The following FYCO1 variants were observed in gnomAD, a reference collection of about 807,000 sequenced individuals.
FYCO1 encodes FYVE and coiled-coil domain autophagy adaptor 1.
In FYCO1, 122 loss-of-function variants were observed where a neutral mutation model predicts 165.1. The ratio of observed to expected loss-of-function variants is 0.74; its 90% CI spans 0.64 to 0.86. FYCO1 has a LOEUF of 0.86. Ranked by LOEUF, FYCO1 falls within the 40% of genes least tolerant of loss-of-function variation. The pLI is 0.00. For missense variants in FYCO1, 1,702 were observed against 1,810.3 expected, an observed-to-expected ratio of 0.94 and a Z score of 1.09; for synonymous variants, 648 against 742.5, an observed-to-expected ratio of 0.87 and a Z score of 2.07.
rs779186772 is a variant in FYCO1, at chr3:45,962,236, T to C, written c.3426A>G (p.Ile1142Met). 24 of 1,614,054 alleles carry C rather than the reference T, an allele frequency of 1.5e-5. No individual in the cohort carries two copies. The Admixed American group carries it at 2.0e-4, about 13-fold the overall frequency. The change falls in exon 11 of 18, where the codon ATA becomes ATG. Residue 1142 changes from isoleucine (I) to methionine (M), a missense_variant. Physicochemically the swap from Ile to Met is conservative, Grantham distance 10. Coordinates refer to ENST00000296137, the MANE Select transcript of FYCO1 (RefSeq NM_024513.4). The surrounding 1 kb of genome is among the most constrained non-coding windows in gnomAD (Gnocchi z 4.4). ...RTKKYLEERL[I>M]ELLRDKDALW... ...GACACAGCACTCACCTGAGCAGCTC[T>C]ATCAGCCGCTCCTCGAGATACTTCT...
At chr3:45,987,506 G>A (rs1267045514) in intron 1 of FYCO1, among the ~76,000 whole-genome samples, 2 of 152,194 alleles carry the variant, frequency 1.3e-5, no homozygotes, top group Non-Finnish European at 1.5e-5. Flanking sequence ...AAGTGAACAG[G>A]CAGTCACTGG....
chr3:45,934,453 T>C (rs1703784668), intron 15 of FYCO1, among the ~76,000 whole-genome samples: 1 of 152,238 alleles, frequency 6.6e-6, no homozygotes, highest in Non-Finnish European at 1.5e-5. Flanking sequence ...GGATTTCTCA[T>C]CTAAAACCAT....
At chr3:45,952,403 A>G (rs1235274129) in intron 14 of FYCO1, among the ~76,000 whole-genome samples, 4 of 152,168 alleles carry the variant, frequency 2.6e-5, no homozygotes, top group Non-Finnish European at 5.9e-5. Context: ...AAACTTAGGA[A>G]GAAAAAGTAT....
chr3:45,989,913 G>A lies in FYCO1; in HGVS notation c.-112-4891C>T, dbSNP rs546057825. 3.9e-5 allele frequency among the ~76,000 whole-genome samples: 6 copies of A among 152,268 alleles called. 1 individual carries two copies. In the East Asian group the frequency reaches 5.8e-4, roughly 15 times the overall value. On this transcript the variant is annotated intron_variant, in intron 1 of 17. Transcript: ENST00000296137. ...GAGGAGCCACACCTCTGTACTTGACGCTGTGGGGCTGAGAAAATATCCAAG... is the reference window on the plus strand; with the variant it reads ...GAGGAGCCACACCTCTGTACTTGACACTGTGGGGCTGAGAAAATATCCAAG...
In FYCO1 at chr3:45,964,216, T is replaced by C; in HGVS notation, c.3269+120A>G. ...CCAGCAGAAGCACTTTCTGAGTTTG[T>C]GGCTTTTCTTGCAAAAGGACTTCCT... On this transcript the variant is annotated intron_variant, in intron 10 of 17. Coordinates refer to ENST00000296137, the MANE Select transcript of FYCO1 (RefSeq NM_024513.4). This position sits in a 1 kb window ranked among gnomAD's most constrained non-coding sequence, Gnocchi z 4.1. The C allele has an allele frequency of 4.7e-6, 4 of 852,042 alleles. No individual in the cohort carries two copies. Among genetic ancestry groups the C allele is most frequent in the Non-Finnish European group, 6.0e-6 (3 of 496,054 alleles). The allele number at this position is 852,042 out of a possible 1,614,324, so 52.8% of individuals were successfully genotyped here. A position where few individuals can be genotyped will look rare whatever the true frequency, so the allele number is the denominator to read the frequency against.
rs543863246 is a variant in FYCO1, at chr3:45,993,341, T to C, written c.-113+2381A>G. Among the ~76,000 whole-genome samples, 163 of 152,310 alleles carry C rather than the reference T, an allele frequency of 1.1e-3. 5 individuals carry two copies. In the South Asian group the frequency reaches 0.032, roughly 30 times the overall value. On this transcript the variant is annotated intron_variant, in intron 1 of 17. Coordinates refer to ENST00000296137, the MANE Select transcript of FYCO1 (RefSeq NM_024513.4). This position sits in a 1 kb window ranked among gnomAD's most constrained non-coding sequence, Gnocchi z 4.4. ...TGCCATCATCCTCTTCTCAAAGCCA[T>C]GGGGCCCATTTGCTCCAAGGCAATG... is the stretch of plus-strand genomic sequence containing the variant.
intron 4 of FYCO1, among the ~76,000 whole-genome samples, chr3:45,976,043 A>G (rs1232865223): frequency 2.0e-5 from 3 of 152,184 alleles, no homozygotes; most frequent in Admixed American, 1.3e-4. Context: ...CACTACATTG[A>G]ATCAGAAGGA....
rs1702983571 is a variant in FYCO1 at position 45,918,366 on chromosome 3, T to G, written c.*3399A>C. The G allele has an allele frequency of 6.6e-6, 1 of 152,178 alleles. No homozygotes were observed. The allele number at this position is 152,178 out of a possible 1,614,324, so 9.4% of individuals were successfully genotyped here. ...TCCTGTTTCCTTGGAAGAAACATAATGAAATGAGAAGAACTTACTAAAGTT... is the reference window on the plus strand; with the variant it reads ...TCCTGTTTCCTTGGAAGAAACATAAGGAAATGAGAAGAACTTACTAAAGTT... On this transcript the variant is annotated 3_prime_UTR_variant, in exon 18 of 18. Coordinates refer to ENST00000296137, the MANE Select transcript of FYCO1 (RefSeq NM_024513.4).
intron 6 of FYCO1, among the ~76,000 whole-genome samples, 159 bp downstream of exon 6, chr3:45,972,929 A>T (rs1678606461): frequency 6.6e-6 from 1 of 152,248 alleles, no homozygotes; most frequent in African/African-American, 2.4e-5. Context: ...ATTGTTAGTC[A>T]TGATTCAACA....
At chr3:45,944,312 A>G (rs1294961094) in intron 14 of FYCO1, among the ~76,000 whole-genome samples, 1 of 152,168 alleles carries the variant, frequency 6.6e-6, no homozygotes, top group Admixed American at 6.5e-5. Flanking sequence ...TCACAATTTT[A>G]TATCCTTTTG....
rs1395723289 is a variant in FYCO1 at position 45,918,112 on chromosome 3, G to A, written c.*3653C>T. 1 of 152,558 alleles carries A rather than the reference G, an allele frequency of 6.6e-6. No individual in the cohort carries two copies. The highest frequency in any genetic ancestry group is 1.5e-5 in the Non-Finnish European group (1 of 68,026). The allele number at this position is 152,558 out of a possible 1,614,324, so 9.5% of individuals were successfully genotyped here. On this transcript the variant is annotated 3_prime_UTR_variant, in exon 18 of 18. Coordinates refer to ENST00000296137, the MANE Select transcript of FYCO1 (RefSeq NM_024513.4). Reference sequence around the variant, plus strand: ...GGGTCCCAGACCCACCATCCCGTAAGGCCACATGAATTGAGGATTAATCAA... The same window carrying A: ...GGGTCCCAGACCCACCATCCCGTAAAGCCACATGAATTGAGGATTAATCAA...
intron 2 of FYCO1, chr3:45,984,610 G>GC: frequency 1.6e-6 from 1 of 614,278 alleles, no homozygotes. Flanking sequence ...CAGTCCTGGA[G>GC]CCGGGTGTAT....
At position 45,967,356 on chromosome 3, in the gene FYCO1, A is replaced by G. The variant is rs767280807; in HGVS notation, c.1978T>C (p.Leu660=). Residue 660 remains leucine (L), a synonymous_variant, in exon 8 of 18, where the codon TTG becomes CTG. Transcript: ENST00000296137. Reference sequence around the variant, plus strand: ...GCCTGCTCGGCCTCCAGGGAGGCCAAGGAGCCCTGGATGGCTGATTCCCGC... The same window carrying G: ...GCCTGCTCGGCCTCCAGGGAGGCCAGGGAGCCCTGGATGGCTGATTCCCGC... ...QQRESAIQGS[L]ASLEAEQASI... is the part of the protein sequence containing the mutation. The G allele has an allele frequency of 9.9e-6, 16 of 1,608,992 alleles. No individual in the cohort carries two copies. In the Admixed American group the frequency reaches 2.0e-4, roughly 20 times the overall value.
intron 1 of FYCO1, among the ~76,000 whole-genome samples, chr3:45,995,520 G>A (rs1707763977): frequency 6.6e-6 from 1 of 152,264 alleles, no homozygotes; most frequent in Non-Finnish European, 1.5e-5. Flanking sequence ...GGGTGCCTGG[G>A]CCGGCTTCCA....
At position 45,955,218 on chromosome 3, in the gene FYCO1, C is replaced by T. The variant is rs371342098; in HGVS notation, c.3944+31G>A. 55 of 1,612,024 alleles carry T rather than the reference C, an allele frequency of 3.4e-5. No homozygotes were observed. In the African/African-American group the frequency reaches 6.4e-4, roughly 19 times the overall value. ...GCACAGGGGCCAGGCCTGTAATGAG[C>T]ACTCAGGAAATGGGGGTGACCTCTA... is the stretch of plus-strand genomic sequence containing the variant. On this transcript the variant is annotated intron_variant, in intron 14 of 17. Coordinates refer to ENST00000296137, the MANE Select transcript of FYCO1 (RefSeq NM_024513.4).
At chr3:45,985,292 A>G (rs915945016) in intron 1 of FYCO1, among the ~76,000 whole-genome samples, 1 of 152,142 alleles carries the variant, frequency 6.6e-6, no homozygotes, top group African/African-American at 2.4e-5. Context: ...CTCACTTTCC[A>G]TTCACCTTAG....
At chr3:45,975,601 A>T (rs1706714200) in intron 4 of FYCO1, among the ~76,000 whole-genome samples, 1 of 152,242 alleles carries the variant, frequency 6.6e-6, no homozygotes, top group South Asian at 2.1e-4. Flanking sequence ...CATGGAAAAC[A>T]TATTAACAAG....
In FYCO1 at chr3:45,968,375, T is replaced by C. The variant is rs1706224356; in HGVS notation, c.959A>G (p.Gln320Arg). ...NTVKELQTCLQGLELGAAEKE... is the reference protein window; with the variant it reads ...NTVKELQTCLRGLELGAAEKE... The stretch of plus-strand genomic sequence containing the variant: ...CTCTGCTGCTCCTAGCTCCAGGCCC[T>C]GCAGGCATGTCTGCAGCTCCTTCAC... Residue 320 changes from glutamine (Q) to arginine (R), a missense_variant, in exon 8 of 18, where the codon CAG becomes CGG. Gln to Arg is a conservative substitution (Grantham distance 43). Transcript: ENST00000296137. 1.2e-6 allele frequency: 2 copies of C among 1,613,662 alleles called. No homozygotes were observed. The highest frequency in any genetic ancestry group is 1.7e-6 in the Non-Finnish European group (2 of 1,179,936).
intron 13 of FYCO1, 59 bp downstream of exon 13, chr3:45,958,349 C>A: frequency 6.7e-7 from 1 of 1,482,422 alleles, no homozygotes; most frequent in Non-Finnish European, 9.4e-7. Flanking sequence ...GCCACAACAT[C>A]GGTAGGGGAG....
Sources: allele counts gnomAD v4.1 joint callset (sites outside exome capture counted in the v4.1 genomes callset), GRCh38; gene constraint gnomAD v4.1.1; non-coding constraint Gnocchi (gnomAD v3.1); transcripts MANE v1.5; gene names NCBI Gene and HGNC (gene_info 2026-07-23, HGNC 2026-07-21).